DDX10: variants seen among roughly 807,000 people sequenced by gnomAD.
DDX10 encodes the protein DEAD-box helicase 10.
Under a neutral mutation model 104.3 loss-of-function variants are expected in DDX10, and 74 were observed. The ratio of observed to expected loss-of-function variants is 0.71; its 90% CI spans 0.59 to 0.86. DDX10 has a LOEUF of 0.86. DDX10 is among the 40% of genes least tolerant of loss of function. The pLI is 0.00. For synonymous variants in DDX10, 351 were observed against 353.4 expected (o/e 0.99, Z 0.08); for missense variants, 952 against 1,040.0 (o/e 0.92, Z 1.16).
intron 10 of DDX10, among the ~76,000 whole-genome samples, chr11:108,715,085 A>G (rs1457316212): frequency 7.2e-6 from 1 of 137,976 alleles, no homozygotes; most frequent in Non-Finnish European, 1.6e-5. Flanking sequence ...CCTGTAGCTT[A>G]TCTGGGCAGA....
At chr11:108,820,400 C>G (rs1208153050) in intron 13 of DDX10, among the ~76,000 whole-genome samples, 1 of 152,192 alleles carries the variant, frequency 6.6e-6, no homozygotes, top group Non-Finnish European at 1.5e-5. Flanking sequence ...ATTGATTTCT[C>G]TGTCTCCCTC....
chr11:108,892,905 C>A (rs945472207), intron 16 of DDX10, among the ~76,000 whole-genome samples: 1 of 152,148 alleles, frequency 6.6e-6, no homozygotes, highest in Non-Finnish European at 1.5e-5. Context: ...TTCACTGTTG[C>A]TCTACTAAAC....
chr11:108,895,468 A>G (rs769319010), intron 16 of DDX10, among the ~76,000 whole-genome samples: 19 of 152,004 alleles, frequency 1.2e-4, no homozygotes, highest in Non-Finnish European at 2.5e-4. Flanking sequence ...ATATTATATC[A>G]TGACTAGATC....
At chr11:108,668,420 T>C (rs2094212803) in intron 1 of DDX10, among the ~76,000 whole-genome samples, 1 of 152,226 alleles carries the variant, frequency 6.6e-6, no homozygotes, top group African/African-American at 2.4e-5. Flanking sequence ...ACTTCTTTAA[T>C]TTTAGAAATA....
intron 16 of DDX10, among the ~76,000 whole-genome samples, chr11:108,891,505 G>T (rs572510477): frequency 6.6e-6 from 1 of 152,170 alleles, no homozygotes; most frequent in South Asian, 2.1e-4. Flanking sequence ...TTCCATCGTG[G>T]ACCTTCTCAA....
At chr11:108,707,608 A>G (rs943933684) in intron 10 of DDX10, among the ~76,000 whole-genome samples, 1 of 152,190 alleles carries the variant, frequency 6.6e-6, no homozygotes. Context: ...ATTTTATGCA[A>G]ATAACCACAT....
chr11:108,741,735 T>C (rs2094325431), intron 13 of DDX10, among the ~76,000 whole-genome samples: 1 of 152,166 alleles, frequency 6.6e-6, no homozygotes, highest in Admixed American at 6.5e-5. Context: ...TAGAATCATG[T>C]CATCTGCAAA....
At chr11:108,784,417 G>A (rs1186138019) in intron 13 of DDX10, among the ~76,000 whole-genome samples, 1 of 151,992 alleles carries the variant, frequency 6.6e-6, no homozygotes, top group Non-Finnish European at 1.5e-5. Flanking sequence ...GCTTGTTTTT[G>A]AGACAAGGTC....
chr11:108,717,286 A>G (rs1048501324), intron 11 of DDX10, among the ~76,000 whole-genome samples: 12 of 152,228 alleles, frequency 7.9e-5, no homozygotes, highest in Non-Finnish European at 1.3e-4. Flanking sequence ...TGAAACTGTT[A>G]TTCCTGGCAA....
intron 16 of DDX10, among the ~76,000 whole-genome samples, chr11:108,893,662 T>A (rs1863404592): frequency 6.6e-6 from 1 of 151,982 alleles, no homozygotes; most frequent in African/African-American, 2.4e-5. Context: ...CGCCAGAGAT[T>A]GTAGTCTCAA....
chr11:108,684,653 AT>A (rs1449819794), intron 6 of DDX10, among the ~76,000 whole-genome samples: 3 of 131,726 alleles, frequency 2.3e-5, no homozygotes, highest in Non-Finnish European at 4.9e-5. Context: ...TAATGCCGCA[AT>A]AAACATACGT....
At chr11:108,879,193 G>A (rs748904254) in intron 16 of DDX10, among the ~76,000 whole-genome samples, 9 of 152,016 alleles carry the variant, frequency 5.9e-5, no homozygotes, top group Non-Finnish European at 1.3e-4. Flanking sequence ...GTAGAGACCG[G>A]GTTTCACCAT....
At chr11:108,822,381 T>C in intron 13 of DDX10, 1 of 406,258 alleles carries the variant, frequency 2.5e-6, no homozygotes, top group Non-Finnish European at 4.9e-6. Context: ...CTGCCCTTTC[T>C]GCCTTCTTCT....
intron 17 of DDX10, chr11:108,929,839 A>G (rs1005025594): frequency 6.6e-6 from 1 of 152,180 alleles, no homozygotes; most frequent in Non-Finnish European, 1.5e-5. Context: ...TAAACTATAC[A>G]TCTTTTTATT....
chr11:108,926,172 A>G (rs1353967992), intron 17 of DDX10, among the ~76,000 whole-genome samples: 3 of 152,126 alleles, frequency 2.0e-5, no homozygotes, highest in Non-Finnish European at 2.9e-5. Context: ...GAAGAGACAT[A>G]ATTATACCTT....
At chr11:108,722,493 A>T (rs941420529) in intron 12 of DDX10, among the ~76,000 whole-genome samples, 37 of 152,114 alleles carry the variant, frequency 2.4e-4, no homozygotes, top group African/African-American at 7.2e-4. Context: ...AGGAAGGGAG[A>T]TGGGGACCAC....
chr11:108,810,190 T>C (rs1862159685), intron 13 of DDX10, among the ~76,000 whole-genome samples: 3 of 152,156 alleles, frequency 2.0e-5, no homozygotes, highest in Admixed American at 2.0e-4. Flanking sequence ...GAGAAGGAGA[T>C]AGTTAGGACT....
chr11:108,920,403 T>C (rs1262499085), intron 17 of DDX10: 1 of 152,208 alleles, frequency 6.6e-6, no homozygotes, highest in Admixed American at 6.5e-5. Flanking sequence ...TGTCTTTTGT[T>C]GAAGAGGAGG....
chr11:108,711,053 T>C (rs757572920), intron 10 of DDX10, among the ~76,000 whole-genome samples: 3 of 152,166 alleles, frequency 2.0e-5, no homozygotes, highest in Non-Finnish European at 4.4e-5. Context: ...GTGTGAGCCA[T>C]TGCTCCTGGC....
Sources: allele counts gnomAD v4.1 joint callset (sites outside exome capture counted in the v4.1 genomes callset), GRCh38; gene constraint gnomAD v4.1.1; transcripts MANE v1.5; gene names NCBI Gene and HGNC (gene_info 2026-07-23, HGNC 2026-07-21).